The following TEAD1 variants were observed in gnomAD, a reference collection of about 807,000 sequenced individuals.
The protein encoded by TEAD1 is TEA domain transcription factor 1, also known as transcriptional enhancer factor TEF-1.
In TEAD1, 9 loss-of-function variants were observed where a neutral mutation model predicts 54.9. The ratio of observed to expected loss-of-function variants is 0.16; its 90% CI spans 0.10 to 0.29. The LOEUF is 0.29. Among genes scored for constraint, TEAD1 ranks in the 10% least tolerant of loss-of-function variants. The pLI, the probability that TEAD1 is intolerant of heterozygous loss-of-function variation, is 1.00. For missense variants in TEAD1, 387 were observed against 535.9 expected (o/e 0.72, Z 2.74); for synonymous variants, 200 against 187.8 (o/e 1.07, Z -0.53).
chr11:12,798,853 A>T (rs956865098), intron 3 of TEAD1, among the ~76,000 whole-genome samples: 1 of 152,200 alleles, frequency 6.6e-6, no homozygotes, highest in South Asian at 2.1e-4. Context: ...CATCCTACTC[A>T]TGAGGGAAGC....
Position 12,937,138 on chromosome 11 carries a change from T to A in TEAD1, c.1197T>A (p.Thr399=). The change falls in exon 13 of 13, where the codon ACT becomes ACA. Residue 399 remains threonine (T), a synonymous_variant. Transcript: ENST00000527636. ...TAACAAACAGGGATACACAAGAAACTCTACTCTGCATGGCCTGTGTGTTTG... is the reference window on the plus strand; with the variant it reads ...TAACAAACAGGGATACACAAGAAACACTACTCTGCATGGCCTGTGTGTTTG... The A allele has an allele frequency of 2.5e-6, 4 of 1,613,962 alleles. No individual in the cohort carries two copies. The highest frequency in any genetic ancestry group is 3.4e-6 in the Non-Finnish European group (4 of 1,179,940).
At chr11:12,762,304 TTATC>T (rs1441389568) in intron 2 of TEAD1, among the ~76,000 whole-genome samples, 4 of 152,160 alleles carry the variant, frequency 2.6e-5, no homozygotes, top group African/African-American at 7.2e-5. Context: ...TTCTCATAAT[TTATC>T]TAATAAACTA....
At chr11:12,684,090 A>G (rs75772200) in intron 2 of TEAD1, among the ~76,000 whole-genome samples, 4,792 of 152,254 alleles carry the variant, frequency 0.031, 262 homozygotes, top group African/African-American at 0.11. Context: ...GGAACACCCA[A>G]GGCTGAGGCA....
chr11:12,906,704 C>G (rs1472806755), intron 10 of TEAD1, among the ~76,000 whole-genome samples: 1 of 152,180 alleles, frequency 6.6e-6, no homozygotes, highest in East Asian at 1.9e-4. Flanking sequence ...CCACCCCCAG[C>G]CCCAGGCAAC....
chr11:12,766,422 G>A (rs1945208505), intron 3 of TEAD1, among the ~76,000 whole-genome samples: 1 of 152,214 alleles, frequency 6.6e-6, no homozygotes, highest in African/African-American at 2.4e-5. Context: ...ACAAAGAGAA[G>A]CTTTGGATGT....
At chr11:12,831,077 A>G (rs187274982) in intron 3 of TEAD1, among the ~76,000 whole-genome samples, 20 of 152,244 alleles carry the variant, frequency 1.3e-4, no homozygotes, top group African/African-American at 4.1e-4. Context: ...CACTGAAGCA[A>G]CTGCTTTGGC....
chr11:12,839,214 C>A (rs1448693813), intron 3 of TEAD1, among the ~76,000 whole-genome samples: 2 of 151,936 alleles, frequency 1.3e-5, no homozygotes, highest in Non-Finnish European at 2.9e-5. Context: ...AGTTTGAGAC[C>A]AGCCTGGCTA....
chr11:12,908,133 C>A (rs1440280), intron 10 of TEAD1, among the ~76,000 whole-genome samples: 152,105 of 152,246 alleles, frequency 1, 75,982 homozygotes, highest in Non-Finnish European at 1. Flanking sequence ...AGAGTAGGAA[C>A]ATGATTCTGT....
chr11:12,787,229 G>A (rs1041503464), intron 3 of TEAD1, among the ~76,000 whole-genome samples: 11 of 152,194 alleles, frequency 7.2e-5, no homozygotes, highest in African/African-American at 2.4e-4. Flanking sequence ...TGGAATAAAA[G>A]GGCATGCCAC....
Position 12,925,008 on chromosome 11 carries a change from A to T in TEAD1, c.970A>T (p.Thr324Ser). ...TGAAAATATGACAGTCACCTGTTCC[A>T]CCAAAGTTTGCTCCTTTGGGAAGCA... Residue 324 changes from threonine to serine, a missense_variant, in exon 11 of 13, where the codon ACC (threonine) becomes TCC (serine). Around this residue, in one of 5 missense-constraint regions of TEAD1, gnomAD observed 123 missense variants for 199.0 expected, o/e 0.62. Coordinates refer to ENST00000527636, the MANE Select transcript of TEAD1 (RefSeq NM_021961.6). The T allele has an allele frequency of 6.2e-7, 1 of 1,614,178 alleles. No homozygotes were observed. The highest frequency in any genetic ancestry group is 8.5e-7 in the Non-Finnish European group (1 of 1,180,038).
At chr11:12,811,325 C>G (rs934242187) in intron 3 of TEAD1, among the ~76,000 whole-genome samples, 2 of 152,338 alleles carry the variant, frequency 1.3e-5, no homozygotes, top group South Asian at 2.1e-4. Context: ...GGACTGGTTA[C>G]TGGTTGGAAC....
chr11:12,908,342 T>C (rs945851412), intron 10 of TEAD1, among the ~76,000 whole-genome samples: 7 of 152,148 alleles, frequency 4.6e-5, no homozygotes, highest in Non-Finnish European at 7.4e-5. Context: ...CAATCCTTAA[T>C]TGGTCATTCT....
chr11:12,776,127 G>A (rs943092744), intron 3 of TEAD1, among the ~76,000 whole-genome samples: 1 of 152,136 alleles, frequency 6.6e-6, no homozygotes, highest in Non-Finnish European at 1.5e-5. Context: ...GGGCGGGGGA[G>A]GAGAACAGGG....
chr11:12,912,494 A>G (rs1331259933), intron 10 of TEAD1, among the ~76,000 whole-genome samples: 1 of 152,168 alleles, frequency 6.6e-6, no homozygotes, highest in East Asian at 1.9e-4. Context: ...TGTACAGACA[A>G]GGAGTCCTGG....
intron 3 of TEAD1, among the ~76,000 whole-genome samples, chr11:12,804,548 A>C (rs1946128373): frequency 6.6e-6 from 1 of 152,220 alleles, no homozygotes; most frequent in Non-Finnish European, 1.5e-5. Context: ...AAGAGTGACA[A>C]ACATGTGTTG....
At position 12,726,064 on chromosome 11, in the gene TEAD1, A is replaced by G. The variant is rs1039743662; in HGVS notation, c.-54-38115A>G. On this transcript the variant is annotated intron_variant, in intron 2 of 12. Coordinates refer to ENST00000527636, the MANE Select transcript of TEAD1 (RefSeq NM_021961.6). ...ATAAGGCTTAGGCTGTGAATGAAACAGGCACAGTCCTGTCTTCAAGGAACA... is the reference window on the plus strand; with the variant it reads ...ATAAGGCTTAGGCTGTGAATGAAACGGGCACAGTCCTGTCTTCAAGGAACA... 6.6e-5 allele frequency among the ~76,000 whole-genome samples: 10 copies of G among 152,200 alleles called. No homozygotes were observed. In the East Asian group the frequency reaches 1.9e-3, roughly 29 times the overall value.
At chr11:12,895,197 T>G (rs985949668) in intron 9 of TEAD1, among the ~76,000 whole-genome samples, 6 of 148,698 alleles carry the variant, frequency 4.0e-5, no homozygotes, top group Non-Finnish European at 7.4e-5. Context: ...AGTCCTTTAT[T>G]AACCCCCCCC....
chr11:12,811,255 G>T (rs1034853772), intron 3 of TEAD1, among the ~76,000 whole-genome samples: 1 of 152,106 alleles, frequency 6.6e-6, no homozygotes, highest in Non-Finnish European at 1.5e-5. Context: ...ATGGTGTAGG[G>T]TGAGGACATG....
intron 2 of TEAD1, among the ~76,000 whole-genome samples, chr11:12,733,435 G>T (rs924892029): frequency 1.8e-4 from 27 of 152,194 alleles, no homozygotes; most frequent in Non-Finnish European, 3.4e-4. Context: ...AATTTTTCTT[G>T]AGGAAGGGAA....
Sources: allele counts gnomAD v4.1 joint callset (sites outside exome capture counted in the v4.1 genomes callset), GRCh38; gene constraint gnomAD v4.1.1; regional missense constraint gnomAD v4.1.1; transcripts MANE v1.5; gene names NCBI Gene and HGNC (gene_info 2026-07-23, HGNC 2026-07-21).